DTD1: variants seen among roughly 807,000 people sequenced by gnomAD.
DTD1 encodes the protein D-aminoacyl-tRNA deacylase 1.
DTD1 carries 13 observed loss-of-function variants against 25.6 expected under a neutral mutation model. The observed-to-expected ratio is 0.51, with a 90% CI of 0.33 to 0.81. DTD1 has a LOEUF of 0.81. DTD1 is among the 30% of genes least tolerant of loss of function. DTD1 has a pLI of 0.02. For missense variants in DTD1, 193 were observed against 266.4 expected (o/e 0.72, Z 1.92); for synonymous variants, 110 against 103.6 (o/e 1.06, Z -0.37).
chr20:18,699,796 A>T (rs1275107968), intron 4 of DTD1, among the ~76,000 whole-genome samples: 2 of 152,140 alleles, frequency 1.3e-5, no homozygotes, highest in African/African-American at 4.8e-5. Context: ...GTGTACACAT[A>T]TGTATCTTAA....
At chr20:18,746,557 T>C (rs1247065767) in intron 5 of DTD1, among the ~76,000 whole-genome samples, 2 of 151,406 alleles carry the variant, frequency 1.3e-5, no homozygotes, top group African/African-American at 4.9e-5. Flanking sequence ...TAGCTGAGCA[T>C]GGTGGTGCTT....
In DTD1 at chr20:18,684,732, G is replaced by T. The variant is rs548103056; in HGVS notation, c.477+56499G>T. Among the ~76,000 whole-genome samples, 5 of 152,152 alleles carry T rather than the reference G, an allele frequency of 3.3e-5. No homozygotes were observed. The South Asian group carries it at 8.3e-4, about 25-fold the overall frequency. On this transcript the variant is annotated intron_variant, in intron 4 of 5. Coordinates refer to ENST00000377452, the MANE Select transcript of DTD1 (RefSeq NM_080820.6). The stretch of plus-strand genomic sequence containing the variant: ...GTCCTATGATCTTAGTTTATTGATG[G>T]GTTCAAGAAAAGTCTTTAATTTTCA...
At chr20:18,663,366 AAT>A (rs1327498344) in intron 4 of DTD1, among the ~76,000 whole-genome samples, 7 of 151,562 alleles carry the variant, frequency 4.6e-5, no homozygotes, top group African/African-American at 1.7e-4. Flanking sequence ...AAAAAAAAAA[AAT>A]ATACAAAGTT....
At chr20:18,610,659 C>T (rs752416863) in intron 3 of DTD1, among the ~76,000 whole-genome samples, 1 of 152,194 alleles carries the variant, frequency 6.6e-6, no homozygotes, top group Non-Finnish European at 1.5e-5. Flanking sequence ...CCTGTAATCT[C>T]AGCACTTTGG....
chr20:18,685,960 G>A (rs964275475), intron 4 of DTD1, among the ~76,000 whole-genome samples: 9 of 152,180 alleles, frequency 5.9e-5, no homozygotes, highest in Middle Eastern at 3.2e-3. Context: ...TCATTTGTAG[G>A]CCCATCGTAA....
intron 3 of DTD1, among the ~76,000 whole-genome samples, chr20:18,616,287 C>T (rs1258744598): frequency 6.6e-6 from 1 of 152,162 alleles, no homozygotes; most frequent in Non-Finnish European, 1.5e-5. Context: ...TTTATTCCTG[C>T]ATGTCTCTTT....
Position 18,749,912 on chromosome 20 carries a change from C to T in DTD1, c.*19+5641C>T, listed in dbSNP as rs528441093. 6.6e-6 allele frequency among the ~76,000 whole-genome samples: 1 copy of T among 152,150 alleles called. No homozygotes were observed. On this transcript the variant is annotated intron_variant, in intron 5 of 5. Transcript: ENST00000377452. The surrounding 1 kb of genome is among the most constrained non-coding windows in gnomAD (Gnocchi z 4.2). ...GACAGAGGCCACGTTTTGTTTATAC[C>T]GATGTATATGGTACTGTCTGGGTTT...
At chr20:18,699,529 G>A (rs1412590670) in intron 4 of DTD1, among the ~76,000 whole-genome samples, 1 of 152,188 alleles carries the variant, frequency 6.6e-6, no homozygotes, top group Non-Finnish European at 1.5e-5. Context: ...CAGATCTCCC[G>A]CGTTGAGGCA....
chr20:18,753,914 A>T (rs1600224354), intron 5 of DTD1, among the ~76,000 whole-genome samples: 1 of 152,192 alleles, frequency 6.6e-6, no homozygotes, highest in African/African-American at 2.4e-5. Flanking sequence ...AGCTTGCTGG[A>T]ATCTAACAGT....
At chr20:18,679,347 C>T (rs1182314412) in intron 4 of DTD1, among the ~76,000 whole-genome samples, 5 of 152,156 alleles carry the variant, frequency 3.3e-5, no homozygotes, top group Non-Finnish European at 7.3e-5. Flanking sequence ...CTTGTTCTCT[C>T]CCACCTTATT....
chr20:18,752,370 T>G (rs888943281), intron 5 of DTD1, among the ~76,000 whole-genome samples: 7 of 152,198 alleles, frequency 4.6e-5, no homozygotes, highest in African/African-American at 1.7e-4. Flanking sequence ...AGTCTGTTCT[T>G]TTTTTCTCAT....
chr20:18,748,264 A>T (rs367865351), intron 5 of DTD1, among the ~76,000 whole-genome samples: 2 of 152,058 alleles, frequency 1.3e-5, no homozygotes, highest in East Asian at 3.9e-4. Flanking sequence ...TTCAAATACC[A>T]CCTAGCTGAT....
chr20:18,754,518 AC>A (rs1305829674), intron 5 of DTD1, among the ~76,000 whole-genome samples: 1 of 152,164 alleles, frequency 6.6e-6, no homozygotes, highest in African/African-American at 2.4e-5. Context: ...GAGGCACATT[AC>A]CCCTTATCCA....
At chr20:18,758,720 G>A (rs2061349007) in intron 5 of DTD1, among the ~76,000 whole-genome samples, 2 of 152,234 alleles carry the variant, frequency 1.3e-5, no homozygotes, top group Admixed American at 1.3e-4. Flanking sequence ...TAGGTGTGGT[G>A]TGGTGCTGAA....
At chr20:18,683,481 G>A (rs889567963) in intron 4 of DTD1, among the ~76,000 whole-genome samples, 1 of 152,108 alleles carries the variant, frequency 6.6e-6, no homozygotes, top group Non-Finnish European at 1.5e-5. Context: ...GTCATTTCTC[G>A]AGTGGCATAT....
chr20:18,633,796 A>G (rs2060797327), intron 4 of DTD1, among the ~76,000 whole-genome samples: 1 of 152,222 alleles, frequency 6.6e-6, no homozygotes, highest in Non-Finnish European at 1.5e-5. Context: ...TGATGCAGCT[A>G]CTGCTGGTGA....
chr20:18,734,802 A>T (rs1381509424), intron 4 of DTD1, among the ~76,000 whole-genome samples: 9 of 152,184 alleles, frequency 5.9e-5, no homozygotes, highest in Non-Finnish European at 5.9e-5. Context: ...GTTGATGGAC[A>T]CTCAGAAAGG....
intron 4 of DTD1, among the ~76,000 whole-genome samples, chr20:18,693,850 C>T (rs1295469727): frequency 3.9e-5 from 6 of 152,046 alleles, no homozygotes; most frequent in African/African-American, 1.2e-4. Context: ...ACGAGCAGGA[C>T]GTTAGAAATT....
intron 4 of DTD1, among the ~76,000 whole-genome samples, chr20:18,661,631 A>T (rs986472821): frequency 1.3e-5 from 2 of 152,120 alleles, no homozygotes; most frequent in African/African-American, 2.4e-5. Flanking sequence ...TTGGCCTCCC[A>T]AAGTGCTGGG....
Sources: gnomAD v4.1 joint callset for allele counts (sites outside exome capture counted in the v4.1 genomes callset) on GRCh38, gnomAD v4.1.1 for gene constraint, Gnocchi (gnomAD v3.1) non-coding constraint, MANE v1.5 for transcripts, NCBI Gene and HGNC (gene_info 2026-07-23, HGNC 2026-07-21) for gene names.